Variants in NHSL2 observed in about 807,000 individuals in gnomAD.
NHSL2 encodes the protein NHS like 2.
A neutral mutation model predicts 53.4 loss-of-function variants in NHSL2; 27 were observed. The observed-to-expected ratio is 0.51, with a 90% CI of 0.37 to 0.70. The LOEUF is 0.70. Among genes scored for constraint, NHSL2 ranks in the 30% least tolerant of loss-of-function variants. The probability of loss-of-function intolerance (pLI) is 0.00; values close to 1 mark genes in which losing one functional copy is unlikely to be tolerated. For synonymous variants in NHSL2, 408 were observed against 404.1 expected, an observed-to-expected ratio of 1.01 and a Z score of -0.12; for missense variants, 892 against 980.1, an observed-to-expected ratio of 0.91 and a Z score of 1.20.
intron 1 of NHSL2, among the ~76,000 whole-genome samples, chrX:72,032,486 C>A (rs763472251): frequency 1.8e-5 from 2 of 111,834 alleles, no homozygotes; most frequent in South Asian, 7.5e-4. Flanking sequence ...TTGTACCCAT[C>A]TACTACCCAC....
At chrX:71,936,420 G>A (rs907362118) in intron 1 of NHSL2, among the ~76,000 whole-genome samples, 4 of 112,290 alleles carry the variant, frequency 3.6e-5, no homozygotes, top group Non-Finnish European at 5.6e-5. Context: ...TGGGTCAGTG[G>A]ATGGCCTCTG....
chrX:72,055,342 T>C (rs965447755), intron 1 of NHSL2, among the ~76,000 whole-genome samples: 10 of 112,251 alleles, frequency 8.9e-5, no homozygotes, highest in Non-Finnish European at 1.7e-4. Context: ...TAAATTACTT[T>C]GCGTGTTTGG....
At chrX:71,959,436 T>TA (rs1443495835) in intron 1 of NHSL2, among the ~76,000 whole-genome samples, 3 of 112,933 alleles carry the variant, frequency 2.7e-5, no homozygotes, top group Non-Finnish European at 5.6e-5. Flanking sequence ...TAAAGTATTT[T>TA]AACAGCTTTT....
At position 72,152,088 on chromosome X, in the gene NHSL2, T is replaced by A. The variant is rs1453037730; in HGVS notation, c.*8514T>A. 8.9e-6 allele frequency: 1 copy of A among 112,603 alleles called. No individual in the cohort carries two copies. The highest frequency in any genetic ancestry group is 3.2e-5 in the African/African-American group (1 of 30,970). 9.3% of individuals were successfully genotyped at this position (112,603 alleles called of 1,213,427 possible). On this transcript the variant is annotated 3_prime_UTR_variant, in exon 8 of 8. Transcript: ENST00000633930. ...ATGCAACAACACAGCCACAAGACATTCAGCACACCACCTCCTCCTGTGTTT... is the reference window on the plus strand; with the variant it reads ...ATGCAACAACACAGCCACAAGACATACAGCACACCACCTCCTCCTGTGTTT...
chrX:71,997,602 C>G (rs1250208311), intron 1 of NHSL2, among the ~76,000 whole-genome samples: 1 of 112,506 alleles, frequency 8.9e-6, no homozygotes. Context: ...GGAACACAGG[C>G]TCAGGGCCCA....
chrX:72,068,240 ATGAC>A (rs2042443281), intron 1 of NHSL2, among the ~76,000 whole-genome samples: 1 of 112,182 alleles, frequency 8.9e-6, no homozygotes, highest in Non-Finnish European at 1.9e-5. Flanking sequence ...GAATGACTGA[ATGAC>A]TGGGCAGGTG....
rs765836521 is a variant in NHSL2 at position 72,144,553 on chromosome X, C to T, written c.*979C>T. 5 of 1,021,041 alleles carry T rather than the reference C, an allele frequency of 4.9e-6. No individual in the cohort carries two copies. In the African/African-American group the frequency reaches 7.8e-5, roughly 16 times the overall value. 84.1% of individuals were successfully genotyped at this position (1,021,041 alleles called of 1,213,427 possible). On this transcript the variant is annotated 3_prime_UTR_variant, in exon 8 of 8. Coordinates refer to ENST00000633930, the MANE Select transcript of NHSL2 (RefSeq NM_001013627.3). ...GATAATGGAAAGTAAGTGCATCTTG[C>T]CCCCCACCAGTCAATTCAGATCGTG...
intron 1 of NHSL2, among the ~76,000 whole-genome samples, chrX:71,995,822 GA>G (rs2042047632): frequency 8.9e-6 from 1 of 112,413 alleles, no homozygotes; most frequent in East Asian, 2.8e-4. Flanking sequence ...AGCTTAATGA[GA>G]ACAGAAACTT....
At chrX:72,055,760 A>G (rs2042365727) in intron 1 of NHSL2, among the ~76,000 whole-genome samples, 1 of 112,381 alleles carries the variant, frequency 8.9e-6, no homozygotes, top group Admixed American at 9.4e-5. Context: ...GATCAGTTAT[A>G]AGATTCATAG....
Position 71,975,499 on chromosome X carries a change from A to G in NHSL2, c.280+64132A>G, listed in dbSNP as rs750770203. Among the ~76,000 whole-genome samples the G allele has an allele frequency of 2.4e-4, 26 of 110,567 alleles. No homozygotes were observed. In the South Asian group the frequency reaches 9.1e-3, roughly 38 times the overall value. The stretch of plus-strand genomic sequence containing the variant: ...AGTAAATGCTTTCAATTGCTTCTCT[A>G]AAGAGCCTATACCCCGTGATACCCT... On this transcript the variant is annotated intron_variant, in intron 1 of 7. Coordinates refer to ENST00000633930, the MANE Select transcript of NHSL2 (RefSeq NM_001013627.3).
chrX:71,981,570 A>G (rs1297584194), intron 1 of NHSL2, among the ~76,000 whole-genome samples: 2 of 109,307 alleles, frequency 1.8e-5, no homozygotes, highest in East Asian at 5.7e-4. Context: ...TTTGCAAATC[A>G]TATATCTAGT....
intron 1 of NHSL2, among the ~76,000 whole-genome samples, chrX:71,920,041 G>A (rs753344614): frequency 1.8e-5 from 2 of 112,692 alleles, no homozygotes; most frequent in African/African-American, 6.4e-5. Context: ...GGGCCTAAGC[G>A]TGTTTCAGTA....
intron 1 of NHSL2, among the ~76,000 whole-genome samples, chrX:72,050,902 A>AC (rs1477894935): frequency 9.1e-6 from 1 of 110,182 alleles, no homozygotes; most frequent in Non-Finnish European, 1.9e-5. Flanking sequence ...AAAAAAAAAA[A>AC]ACAAAACAAA....
At chrX:72,042,775 T>C (rs919161041) in intron 1 of NHSL2, among the ~76,000 whole-genome samples, 1 of 105,963 alleles carries the variant, frequency 9.4e-6, no homozygotes, top group Non-Finnish European at 1.9e-5. Context: ...AAAAAGGAGC[T>C]GCAAGGACTT....
chrX:71,970,818 T>C (rs2041922108), intron 1 of NHSL2, among the ~76,000 whole-genome samples: 1 of 111,688 alleles, frequency 9.0e-6, no homozygotes, highest in African/African-American at 3.3e-5. Context: ...AGTATCACTC[T>C]GTCACCCAGG....
At chrX:72,095,015 C>T (rs755004998) in intron 1 of NHSL2, among the ~76,000 whole-genome samples, 5 of 112,110 alleles carry the variant, frequency 4.5e-5, no homozygotes, top group Non-Finnish European at 7.5e-5. Context: ...ACAATGGGAC[C>T]ATCAGGCCTT....
chrX:72,044,821 A>G (rs199981428), intron 1 of NHSL2: 2 of 1,118,547 alleles, frequency 1.8e-6, no homozygotes, highest in Non-Finnish European at 2.4e-6. Flanking sequence ...TGAAGCCTGC[A>G]AGGACCGAAC....
intron 1 of NHSL2, among the ~76,000 whole-genome samples, chrX:72,084,439 A>C (rs2147429459): frequency 8.9e-6 from 1 of 112,044 alleles, no homozygotes; most frequent in East Asian, 2.8e-4. Flanking sequence ...TTGGAGGGAG[A>C]AATTGGACTA....
chrX:71,996,611 A>T (rs1569470453), intron 1 of NHSL2, among the ~76,000 whole-genome samples: 1 of 112,550 alleles, frequency 8.9e-6, no homozygotes, highest in Non-Finnish European at 1.9e-5. Flanking sequence ...CCTTATGCTA[A>T]CCATGTGAAG....
Sources: gnomAD v4.1 joint callset for allele counts (sites outside exome capture counted in the v4.1 genomes callset) on GRCh38, gnomAD v4.1.1 for gene constraint, MANE v1.5 for transcripts, NCBI Gene and HGNC (gene_info 2026-07-23, HGNC 2026-07-21) for gene names.